The following FBXO11 variants were observed in gnomAD, a reference collection of about 807,000 sequenced individuals.
The protein encoded by FBXO11 is F-box protein 11.
A neutral mutation model predicts 117.0 loss-of-function variants in FBXO11; 13 were observed. The ratio of observed to expected loss-of-function variants is 0.11; its 90% CI spans 0.07 to 0.18. The LOEUF (loss-of-function observed/expected upper bound fraction) is 0.18. FBXO11 is among the 10% of genes least tolerant of loss of function. The pLI, the probability that FBXO11 is intolerant of heterozygous loss-of-function variation, is 1.00. For synonymous variants in FBXO11, 490 were observed against 380.5 expected (o/e 1.29, Z -3.35); for missense variants, 767 against 1,164.4 (o/e 0.66, Z 4.97).
chr2:47,885,094 AT>A (rs1263066437), intron 1 of FBXO11, among the ~76,000 whole-genome samples: 57 of 152,328 alleles, frequency 3.7e-4, no homozygotes, highest in African/African-American at 1.3e-3. Flanking sequence ...TTAACTGGTA[AT>A]TCTTCATTAA....
At chr2:47,850,466 A>G (rs917115385) in intron 1 of FBXO11, among the ~76,000 whole-genome samples, 5 of 152,210 alleles carry the variant, frequency 3.3e-5, no homozygotes, top group Admixed American at 2.6e-4. Context: ...TAGACTAGCT[A>G]TCATAGCTAT....
chr2:47,839,995 G>C (rs939697655), intron 1 of FBXO11, among the ~76,000 whole-genome samples: 4 of 151,846 alleles, frequency 2.6e-5, no homozygotes, highest in African/African-American at 9.7e-5. Context: ...CCAGGCTGGA[G>C]TGCAGTGGCG....
chr2:47,819,184 T>C (rs1438285536), intron 14 of FBXO11, 106 bp from the exon 15 acceptor site: 1 of 1,060,174 alleles, frequency 9.4e-7, no homozygotes, highest in African/African-American at 1.6e-5. Context: ...TTTTTGTTTT[T>C]TCATCCGAGT....
intron 16 of FBXO11, chr2:47,818,525 C>G: frequency 2.8e-6 from 1 of 356,714 alleles, no homozygotes; most frequent in Non-Finnish European, 5.1e-6. Context: ...ATATTGGCAG[C>G]TGATGTGACT....
intron 1 of FBXO11, among the ~76,000 whole-genome samples, chr2:47,866,708 G>A (rs1174248509): frequency 2.6e-5 from 4 of 151,988 alleles, no homozygotes; most frequent in African/African-American, 9.7e-5. Context: ...TCCTGACCTC[G>A]TGATCTGCCC....
chr2:47,880,091 G>A (rs1676327665), intron 1 of FBXO11, among the ~76,000 whole-genome samples: 1 of 151,886 alleles, frequency 6.6e-6, no homozygotes, highest in Non-Finnish European at 1.5e-5. Flanking sequence ...CACCTTCCAG[G>A]CTCGAGAGAT....
chr2:47,884,812 C>T (rs1282395510), intron 1 of FBXO11, among the ~76,000 whole-genome samples: 1 of 151,684 alleles, frequency 6.6e-6, no homozygotes, highest in Non-Finnish European at 1.5e-5. Flanking sequence ...AACACGGATT[C>T]TAATCCTAAG....
intron 1 of FBXO11, among the ~76,000 whole-genome samples, chr2:47,860,986 G>A (rs189408328): frequency 1.6e-4 from 24 of 151,740 alleles, no homozygotes. Context: ...AGCTGGGTTT[G>A]CATTTTTAGT....
At chr2:47,808,657 T>G (rs1003121921) in intron 21 of FBXO11, 11 of 422,802 alleles carry the variant, frequency 2.6e-5, no homozygotes, top group Non-Finnish European at 3.3e-5. Flanking sequence ...TAAAGGCAGT[T>G]CTTTCCACTT....
chr2:47,847,633 C>T (rs1321335457), intron 1 of FBXO11, among the ~76,000 whole-genome samples: 1 of 151,876 alleles, frequency 6.6e-6, no homozygotes, highest in African/African-American at 2.4e-5. Flanking sequence ...CGCTTGAACC[C>T]AGGAGGTTGC....
intron 1 of FBXO11, among the ~76,000 whole-genome samples, chr2:47,878,591 G>T (rs868004504): frequency 6.6e-6 from 1 of 151,620 alleles, no homozygotes; most frequent in East Asian, 1.9e-4. Context: ...TCCTGACCTC[G>T]AACTCCTCAA....
chr2:47,891,854 T>C (rs1470764620), intron 1 of FBXO11, among the ~76,000 whole-genome samples: 1 of 152,184 alleles, frequency 6.6e-6, no homozygotes, highest in Non-Finnish European at 1.5e-5. Flanking sequence ...TTTATTTGCA[T>C]TTCCCTGATG....
intron 4 of FBXO11, 24 bp downstream of exon 4, chr2:47,838,835 A>C: frequency 6.3e-7 from 1 of 1,597,674 alleles, no homozygotes; most frequent in East Asian, 2.2e-5. Flanking sequence ...ATCTCAAGTT[A>C]ATAAGGAATA....
At position 47,905,329 on chromosome 2, in the gene FBXO11, G is replaced by C. The variant is rs902115965; in HGVS notation, c.232+160C>G. 126 of 702,404 alleles carry C rather than the reference G, an allele frequency of 1.8e-4. No homozygotes were observed. The African/African-American group carries it at 2.3e-3, about 13-fold the overall frequency. The allele number at this position is 702,404 out of a possible 1,614,324, so 43.5% of individuals were successfully genotyped here. A position where few individuals can be genotyped will look rare whatever the true frequency, so the allele number is the denominator to read the frequency against. On this transcript the variant is annotated intron_variant, in intron 1 of 22. Transcript: ENST00000403359. ...TTTCCTGCCGGCCGGGCCCGGCCCG[G>C]GCTGACACTGCGGCACCGGGGGACC... is the stretch of plus-strand genomic sequence containing the variant.
At chr2:47,810,233 A>T in intron 19 of FBXO11, 83 bp downstream of exon 19, 1 of 890,768 alleles carries the variant, frequency 1.1e-6, no homozygotes, top group Non-Finnish European at 1.7e-6. Flanking sequence ...TTTAGTTAAT[A>T]AGCAAAACAA....
rs1486404911 is a variant in FBXO11, at chr2:47,838,870, A to G, written c.576T>C (p.Asp192=). 1 of 1,613,580 alleles carries G rather than the reference A, an allele frequency of 6.2e-7. No individual in the cohort carries two copies. Among genetic ancestry groups the G allele is most frequent in the South Asian group, 1.1e-5 (1 of 90,950 alleles). ...AGGTTTTTACTTACCACAAAATTGG[A>G]TCATTAGCAAGTTCACTGAAGCGTT... ...VCKRFSELAN[D]PILWKRLYME... is the part of the protein sequence containing the mutation. The change falls in exon 4 of 23, where the codon GAT becomes GAC. Residue 192 remains aspartate (D), a synonymous_variant. Transcript: ENST00000403359.
chr2:47,862,883 C>T (rs755942352), intron 1 of FBXO11, among the ~76,000 whole-genome samples: 3 of 151,872 alleles, frequency 2.0e-5, no homozygotes, highest in Non-Finnish European at 4.4e-5. Flanking sequence ...GGTGAAACCC[C>T]ATCTCTACTA....
chr2:47,893,195 C>G (rs1057177724), intron 1 of FBXO11, among the ~76,000 whole-genome samples: 1 of 133,040 alleles, frequency 7.5e-6, no homozygotes. Flanking sequence ...AATGGCAGAA[C>G]ATATACCAGA....
At position 47,832,287 on chromosome 2, in the gene FBXO11, A is replaced by C. The variant is rs145130850; in HGVS notation, c.1398+62T>G. 1.3e-3 allele frequency: 1,781 copies of C among 1,410,270 alleles called. 8 individuals are homozygous for C. Among genetic ancestry groups the C allele is most frequent in the Middle Eastern group, 2.1e-3 (10 of 4,696 alleles). The allele number at this position is 1,410,270 out of a possible 1,614,324, so 87.4% of individuals were successfully genotyped here. A position where few individuals can be genotyped will look rare whatever the true frequency, so the allele number is the denominator to read the frequency against. On this transcript the variant is annotated intron_variant, in intron 11 of 22. Coordinates refer to ENST00000403359, the MANE Select transcript of FBXO11 (RefSeq NM_001190274.2). The stretch of plus-strand genomic sequence containing the variant: ...TTTGGTGATGAGAAAATAATGCTGA[A>C]ACATACTTGGAATTTAACTGATACA...
Sources: allele counts gnomAD v4.1 joint callset (sites outside exome capture counted in the v4.1 genomes callset), GRCh38; gene constraint gnomAD v4.1.1; transcripts MANE v1.5; gene names NCBI Gene and HGNC (gene_info 2026-07-23, HGNC 2026-07-21).